Variants in EPHA6 observed in about 807,000 individuals in gnomAD.
The protein encoded by EPHA6 is ephrin type-A receptor 6.
EPHA6 carries 50 observed loss-of-function variants against 112.0 expected under a neutral mutation model. The ratio of observed to expected loss-of-function variants is 0.45; its 90% CI spans 0.36 to 0.56. The LOEUF is 0.56. Among genes scored for constraint, EPHA6 ranks in the 20% least tolerant of loss-of-function variants. EPHA6 has a pLI of 0.00. For missense variants in EPHA6, 1,280 were observed against 1,417.4 expected, an observed-to-expected ratio of 0.90 and a Z score of 1.56; for synonymous variants, 529 against 490.7, an observed-to-expected ratio of 1.08 and a Z score of -1.03.
chr3:97,574,454 T>C (rs1465319996), intron 11 of EPHA6, among the ~76,000 whole-genome samples: 1 of 152,086 alleles, frequency 6.6e-6, no homozygotes, highest in African/African-American at 2.4e-5. Flanking sequence ...AGGAAACACA[T>C]ATAAGAAAAA....
In EPHA6 at chr3:97,757,610, A is replaced by T. The variant is rs1399474285; in HGVS notation, c.*8909A>T. ...CATTAAATATAAAAATAGTATATATAAAGATGCATAAAAAAGGAACTTACT... is the reference window on the plus strand; with the variant it reads ...CATTAAATATAAAAATAGTATATATTAAGATGCATAAAAAAGGAACTTACT... On this transcript the variant is annotated 3_prime_UTR_variant, in exon 18 of 18. Transcript: ENST00000389672. 6.6e-6 allele frequency among the ~76,000 whole-genome samples: 1 copy of T among 151,750 alleles called. No individual in the cohort carries two copies. The highest frequency in any genetic ancestry group is 1.5e-5 in the Non-Finnish European group (1 of 67,732).
intron 3 of EPHA6, among the ~76,000 whole-genome samples, chr3:97,180,727 A>C (rs867579851): frequency 6.6e-6 from 1 of 152,016 alleles, no homozygotes; most frequent in African/African-American, 2.4e-5. Flanking sequence ...GGAATCCTAG[A>C]TACAAGATAA....
At chr3:96,838,886 A>C (rs947868403) in intron 1 of EPHA6, among the ~76,000 whole-genome samples, 2 of 152,044 alleles carry the variant, frequency 1.3e-5, no homozygotes, top group Non-Finnish European at 2.9e-5. Flanking sequence ...TTGTAGCTCT[A>C]CATCAGTATT....
In EPHA6 at chr3:97,579,305, AG is replaced by A. The variant is rs75009220; in HGVS notation, c.2387-13306del. Among the ~76,000 whole-genome samples, 3,085 of 152,294 alleles carry A rather than the reference AG, an allele frequency of 0.02. 332 individuals carry two copies. In the East Asian group the frequency reaches 0.33, roughly 16 times the overall value. On this transcript the variant is annotated intron_variant, in intron 11 of 17. Transcript: ENST00000389672. Reference sequence around the variant, plus strand: ...AGGCTGCACTTATTTTTATATTCCCAGCCTTATACCCAGATTACCTGGAAGG... The same window carrying A: ...AGGCTGCACTTATTTTTATATTCCCACCTTATACCCAGATTACCTGGAAGG...
At chr3:97,249,065 G>A (rs2079061732) in intron 5 of EPHA6, among the ~76,000 whole-genome samples, 1 of 151,246 alleles carries the variant, frequency 6.6e-6, no homozygotes, top group Admixed American at 6.6e-5. Context: ...AAAAAGTGTG[G>A]AAGTTTTAAA....
intron 6 of EPHA6, among the ~76,000 whole-genome samples, chr3:97,416,061 T>C (rs2088098108): frequency 6.6e-6 from 1 of 152,050 alleles, no homozygotes; most frequent in Non-Finnish European, 1.5e-5. Context: ...CTGTGGCATA[T>C]AAAAATCTAA....
chr3:97,421,355 G>A (rs528694416), intron 6 of EPHA6, among the ~76,000 whole-genome samples: 8 of 152,006 alleles, frequency 5.3e-5, no homozygotes, highest in South Asian at 4.2e-4. Context: ...ATTTCTATAC[G>A]TCAGCATCAA....
intron 5 of EPHA6, among the ~76,000 whole-genome samples, chr3:97,397,623 A>T (rs1361406273): frequency 1.3e-5 from 2 of 151,568 alleles, no homozygotes; most frequent in African/African-American, 4.8e-5. Context: ...CAGTTCTTAC[A>T]TAGTATGTCT....
chr3:97,639,359 C>A lies in EPHA6; in HGVS notation c.2784+1277C>A, dbSNP rs548115647. On this transcript the variant is annotated intron_variant, in intron 14 of 17. Coordinates refer to ENST00000389672, the MANE Select transcript of EPHA6 (RefSeq NM_001080448.3). Reference sequence around the variant, plus strand: ...TCATTTTTCTCAAGGCCTTTATTTTCTTTTATCTTTACAAATTTATAACTT... The same window carrying A: ...TCATTTTTCTCAAGGCCTTTATTTTATTTTATCTTTACAAATTTATAACTT... 5.3e-5 allele frequency among the ~76,000 whole-genome samples: 8 copies of A among 151,954 alleles called. No individual in the cohort carries two copies. The East Asian group carries it at 7.7e-4, about 15-fold the overall frequency.
At chr3:97,298,674 T>G (rs535432875) in intron 5 of EPHA6, among the ~76,000 whole-genome samples, 15 of 152,256 alleles carry the variant, frequency 9.9e-5, no homozygotes, top group Middle Eastern at 3.4e-3. Flanking sequence ...AAAGAAATAT[T>G]ATTTAGTTAT....
chr3:97,284,315 T>G (rs1231006356), intron 5 of EPHA6, among the ~76,000 whole-genome samples: 1 of 152,156 alleles, frequency 6.6e-6, no homozygotes, highest in Non-Finnish European at 1.5e-5. Flanking sequence ...CATTTTAAAA[T>G]TATTATCTTT....
At chr3:97,394,093 G>A (rs2086568617) in intron 5 of EPHA6, among the ~76,000 whole-genome samples, 1 of 151,614 alleles carries the variant, frequency 6.6e-6, no homozygotes, top group Admixed American at 6.6e-5. Flanking sequence ...CCCAGTACTG[G>A]AATTGTTGGA....
intron 2 of EPHA6, among the ~76,000 whole-genome samples, chr3:96,941,542 A>G (rs1431055476): frequency 2.6e-5 from 4 of 152,106 alleles, no homozygotes; most frequent in African/African-American, 7.2e-5. Context: ...CATTGGTTTG[A>G]ATTTCTTCCT....
At chr3:97,484,888 T>C (rs896767838) in intron 10 of EPHA6, among the ~76,000 whole-genome samples, 5 of 152,232 alleles carry the variant, frequency 3.3e-5, no homozygotes, top group Non-Finnish European at 7.3e-5. Context: ...GTTTTGCTTT[T>C]AAGGCAATCA....
intron 3 of EPHA6, among the ~76,000 whole-genome samples, chr3:97,031,780 T>TA (rs1170563952): frequency 1.3e-5 from 2 of 152,016 alleles, no homozygotes; most frequent in Non-Finnish European, 1.5e-5. Context: ...TGGCGATCAT[T>TA]AAAAAGTCAG....
intron 11 of EPHA6, among the ~76,000 whole-genome samples, chr3:97,568,446 T>C (rs1171065770): frequency 6.6e-6 from 1 of 152,166 alleles, no homozygotes; most frequent in Non-Finnish European, 1.5e-5. Flanking sequence ...TGGCAGAATA[T>C]TCAAGGCCCC....
At chr3:97,487,299 A>C (rs1380218426) in intron 10 of EPHA6, among the ~76,000 whole-genome samples, 1 of 152,242 alleles carries the variant, frequency 6.6e-6, no homozygotes, top group Non-Finnish European at 1.5e-5. Context: ...ACAATATACA[A>C]TCATTAAATC....
At chr3:97,620,946 A>G (rs2093808741) in intron 13 of EPHA6, among the ~76,000 whole-genome samples, 1 of 152,112 alleles carries the variant, frequency 6.6e-6, no homozygotes, top group South Asian at 2.1e-4. Flanking sequence ...TCGTTCTATT[A>G]TAAACACACA....
rs546354832 is a variant in EPHA6 at position 97,023,349 on chromosome 3, G to A, written c.1114+35356G>A. Among the ~76,000 whole-genome samples, 12 of 152,260 alleles carry A rather than the reference G, an allele frequency of 7.9e-5. No homozygotes were observed. In the East Asian group the frequency reaches 1.2e-3, roughly 15 times the overall value. On this transcript the variant is annotated intron_variant, in intron 3 of 17. Coordinates refer to ENST00000389672, the MANE Select transcript of EPHA6 (RefSeq NM_001080448.3). The stretch of plus-strand genomic sequence containing the variant: ...CTGCCTTGGCCTCCCAAAGTGCTGG[G>A]ATTACAGGCTTGAGCCACCGCTCTC...
Sources: allele counts gnomAD v4.1 joint callset (sites outside exome capture counted in the v4.1 genomes callset), GRCh38; gene constraint gnomAD v4.1.1; transcripts MANE v1.5; gene names NCBI Gene and HGNC (gene_info 2026-07-23, HGNC 2026-07-21).